The following RNF144B variants were observed in gnomAD, a reference collection of about 807,000 sequenced individuals.
RNF144B encodes ring finger protein 144B.
In RNF144B, 25 loss-of-function variants were observed where a neutral mutation model predicts 40.2. The ratio of observed to expected loss-of-function variants is 0.62; its 90% CI spans 0.45 to 0.87. RNF144B has a LOEUF of 0.87. Ranked by LOEUF, RNF144B falls within the 40% of genes least tolerant of loss-of-function variation. The pLI, the probability that RNF144B is intolerant of heterozygous loss-of-function variation, is 0.00. For synonymous variants in RNF144B, 145 were observed against 136.3 expected (o/e 1.06, Z -0.44); for missense variants, 365 against 373.7 (o/e 0.98, Z 0.19).
At chr6:18,407,596 C>G (rs931209057) in intron 2 of RNF144B, among the ~76,000 whole-genome samples, 1 of 152,130 alleles carries the variant, frequency 6.6e-6, no homozygotes, top group African/African-American at 2.4e-5. Flanking sequence ...TAAATTGAAA[C>G]CATCTTTGCT....
At chr6:18,393,773 G>A (rs1392453485) in intron 1 of RNF144B, among the ~76,000 whole-genome samples, 2 of 152,012 alleles carry the variant, frequency 1.3e-5, no homozygotes, top group African/African-American at 4.8e-5. Context: ...CAACACTTCA[G>A]CCTTTCTTCA....
rs1327550162 is a variant in RNF144B at position 18,443,754 on chromosome 6, C to T, written c.331+4010C>T. On this transcript the variant is annotated intron_variant, in intron 4 of 7. Transcript: ENST00000259939. The surrounding 1 kb of genome is among the most constrained non-coding windows in gnomAD (Gnocchi z 4.7). ...CTTTATCTAAATTATGTAAAATAGA[C>T]TTCTTATCTACCTCAAACTCGAGAC... Among the ~76,000 whole-genome samples the T allele has an allele frequency of 2.0e-5, 3 of 152,112 alleles. No individual in the cohort carries two copies. The highest frequency in any genetic ancestry group is 3.9e-4 in the East Asian group (2 of 5,190).
At position 18,400,043 on chromosome 6, in the gene RNF144B, G is replaced by A. The variant is rs1265314360; in HGVS notation, c.165+344G>A. On this transcript the variant is annotated intron_variant, in intron 2 of 7. Transcript: ENST00000259939. The surrounding 1 kb of genome is among the most constrained non-coding windows in gnomAD (Gnocchi z 5.6). ...TCCCAGCACTTTGGGAGGCCGAGGC[G>A]GGCGGATCACAAGGTCAGAAGATCG... is the stretch of plus-strand genomic sequence containing the variant. Among the ~76,000 whole-genome samples the A allele has an allele frequency of 2.6e-5, 4 of 152,056 alleles. No homozygotes were observed. Among genetic ancestry groups the A allele is most frequent in the African/African-American group, 7.2e-5 (3 of 41,396 alleles).
intron 1 of RNF144B, among the ~76,000 whole-genome samples, chr6:18,389,350 C>G (rs1273594995): frequency 6.6e-6 from 1 of 152,110 alleles, no homozygotes; most frequent in East Asian, 1.9e-4. Context: ...AGAGTATGCT[C>G]TCTCTGGAAA....
Position 18,434,167 on chromosome 6 carries a change from G to T in RNF144B, c.271-5517G>T, listed in dbSNP as rs1226943573. On this transcript the variant is annotated intron_variant, in intron 3 of 7. Transcript: ENST00000259939. This position sits in a 1 kb window ranked among gnomAD's most constrained non-coding sequence, Gnocchi z 4.1. ...CTTCTGTTTGGGCTTTCCGGACTCT[G>T]ATGGGTAGCAGTTCTCTAAAGCCTA... 1.3e-5 allele frequency among the ~76,000 whole-genome samples: 2 copies of T among 152,146 alleles called. No individual in the cohort carries two copies. The highest frequency in any genetic ancestry group is 3.9e-4 in the East Asian group (2 of 5,190).
At position 18,406,198 on chromosome 6, in the gene RNF144B, G is replaced by A; in HGVS notation, c.165+6499G>A. On this transcript the variant is annotated intron_variant, in intron 2 of 7. Coordinates refer to ENST00000259939, the MANE Select transcript of RNF144B (RefSeq NM_182757.4). This position sits in a 1 kb window ranked among gnomAD's most constrained non-coding sequence, Gnocchi z 4.2. Reference sequence around the variant, plus strand: ...TAACAAGTAAATACAGAAGTCAGGTGATGGTTTGTGCTATGGAAAAATAGG... The same window carrying A: ...TAACAAGTAAATACAGAAGTCAGGTAATGGTTTGTGCTATGGAAAAATAGG... The A allele has an allele frequency of 1.9e-6, 1 of 517,838 alleles. No homozygotes were observed. Among genetic ancestry groups the A allele is most frequent in the Non-Finnish European group, 3.9e-6 (1 of 259,248 alleles). 32.1% of individuals were successfully genotyped at this position (517,838 alleles called of 1,614,324 possible). A position where few individuals can be genotyped will look rare whatever the true frequency, so the allele number is the denominator to read the frequency against.
chr6:18,439,629 T>C, intron 3 of RNF144B, 55 bp from the exon 4 acceptor site: 1 of 1,193,404 alleles, frequency 8.4e-7, no homozygotes, highest in South Asian at 1.2e-5. Flanking sequence ...AAAAGGCTGG[T>C]AACTCAGGGC....
intron 3 of RNF144B, among the ~76,000 whole-genome samples, chr6:18,428,917 T>A (rs1758629493): frequency 6.6e-6 from 1 of 152,170 alleles, no homozygotes; most frequent in East Asian, 1.9e-4. Context: ...GTTGGCCAGG[T>A]GCTGTGGCTC....
At chr6:18,415,530 G>T (rs998442165) in intron 2 of RNF144B, among the ~76,000 whole-genome samples, 2 of 152,128 alleles carry the variant, frequency 1.3e-5, no homozygotes, top group Non-Finnish European at 2.9e-5. Context: ...TCATGAGAGT[G>T]GGGTCTTCGT....
intron 2 of RNF144B, among the ~76,000 whole-genome samples, chr6:18,413,175 G>A (rs1169260868): frequency 6.6e-6 from 1 of 152,032 alleles, no homozygotes; most frequent in East Asian, 1.9e-4. Flanking sequence ...AATATATAAT[G>A]TATGGCCTAG....
At position 18,459,316 on chromosome 6, in the gene RNF144B, A is replaced by G. The variant is rs1275418039; in HGVS notation, c.537-291A>G. Among the ~76,000 whole-genome samples the G allele has an allele frequency of 1.3e-5, 2 of 152,200 alleles. No homozygotes were observed. Among genetic ancestry groups the G allele is most frequent in the African/African-American group, 4.8e-5 (2 of 41,442 alleles). On this transcript the variant is annotated intron_variant, in intron 5 of 7. Transcript: ENST00000259939. The surrounding 1 kb of genome is among the most constrained non-coding windows in gnomAD (Gnocchi z 4.2). ...TCTGCTGTGTAGCCAACTCCTTGCC[A>G]TTCTTATTTAGGCAATGCATGCTTA...
At chr6:18,399,887 T>C (rs1283271484) in intron 2 of RNF144B, among the ~76,000 whole-genome samples, 188 bp downstream of exon 2, 2 of 152,194 alleles carry the variant, frequency 1.3e-5, no homozygotes, top group Non-Finnish European at 2.9e-5. Flanking sequence ...TTACTTGTTT[T>C]AGCTGAGTAT....
At chr6:18,394,612 A>AG (rs1270148325) in intron 1 of RNF144B, among the ~76,000 whole-genome samples, 25 of 130,766 alleles carry the variant, frequency 1.9e-4, no homozygotes, top group Admixed American at 1.3e-3. Context: ...CCCCCAACCA[A>AG]GAAAAAAAAA....
chr6:18,467,400 G>GTTTTTTTTTTTTTTT lies in RNF144B; in HGVS notation c.*2338_*2352dup, dbSNP rs66505065. The GTTTTTTTTTTTTTTT allele has an allele frequency of 2.9e-5, 3 of 102,270 alleles. No individual in the cohort carries two copies. The highest frequency in any genetic ancestry group is 7.7e-5 in the African/African-American group (2 of 25,950). 6.3% of individuals were successfully genotyped at this position (102,270 alleles called of 1,614,324 possible). A position where few individuals can be genotyped will look rare whatever the true frequency, so the allele number is the denominator to read the frequency against. On this transcript the variant is annotated 3_prime_UTR_variant, in exon 8 of 8. Coordinates refer to ENST00000259939, the MANE Select transcript of RNF144B (RefSeq NM_182757.4). Reference sequence around the variant, plus strand: ...TTGTATCACTGAATTAGCTGCTTTTGTTTTTTTTTTTTTTTTTTTGCCAGG... The same window carrying GTTTTTTTTTTTTTTT: ...TTGTATCACTGAATTAGCTGCTTTTGTTTTTTTTTTTTTTTTTTTTTTTTTTTTTTTTTTGCCAGG...
intron 2 of RNF144B, among the ~76,000 whole-genome samples, chr6:18,411,462 CATATAT>C (rs767477071): frequency 0.013 from 792 of 59,326 alleles, 49 homozygotes; most frequent in African/African-American, 0.022. Flanking sequence ...GTGCATGATT[CATATAT>C]ATATATATAT....
At position 18,425,078 on chromosome 6, in the gene RNF144B, A is replaced by G. The variant is rs899001219; in HGVS notation, c.166-2503A>G. The stretch of plus-strand genomic sequence containing the variant: ...GTGGGTGTGTGTGTGTGTGTGTTAA[A>G]ACCTGTGAGGTAACTATAACAGGTA... On this transcript the variant is annotated intron_variant, in intron 2 of 7. Transcript: ENST00000259939. This position sits in a 1 kb window ranked among gnomAD's most constrained non-coding sequence, Gnocchi z 4.2. Among the ~76,000 whole-genome samples, 2 of 149,166 alleles carry G rather than the reference A, an allele frequency of 1.3e-5. No homozygotes were observed. The highest frequency in any genetic ancestry group is 6.7e-5 in the Admixed American group (1 of 14,844).
Position 18,456,696 on chromosome 6 carries a change from C to A in RNF144B, c.332-459C>A, listed in dbSNP as rs1243970302. On this transcript the variant is annotated intron_variant, in intron 4 of 7. Coordinates refer to ENST00000259939, the MANE Select transcript of RNF144B (RefSeq NM_182757.4). This position sits in a 1 kb window ranked among gnomAD's most constrained non-coding sequence, Gnocchi z 4.7. Reference sequence around the variant, plus strand: ...GACCTTGTAAATGATAGGTTTGGATCCATTATGAAGACTAATAGTAGAAAT... The same window carrying A: ...GACCTTGTAAATGATAGGTTTGGATACATTATGAAGACTAATAGTAGAAAT... Among the ~76,000 whole-genome samples, 1 of 152,106 alleles carries A rather than the reference C, an allele frequency of 6.6e-6. No homozygotes were observed. Among genetic ancestry groups the A allele is most frequent in the Non-Finnish European group, 1.5e-5 (1 of 68,016 alleles).
chr6:18,411,740 C>T (rs529317911), intron 2 of RNF144B, among the ~76,000 whole-genome samples: 10 of 151,226 alleles, frequency 6.6e-5, no homozygotes, highest in Admixed American at 5.9e-4. Flanking sequence ...GTGATCTGTC[C>T]ACCTCAGCCT....
intron 2 of RNF144B, among the ~76,000 whole-genome samples, chr6:18,403,220 A>G (rs752160696): frequency 3.5e-4 from 54 of 152,258 alleles, no homozygotes; most frequent in Non-Finnish European, 6.6e-4. Flanking sequence ...TTCAAGCGAA[A>G]TAAATTCACA....
Sources: gnomAD v4.1 joint callset for allele counts (sites outside exome capture counted in the v4.1 genomes callset) on GRCh38, gnomAD v4.1.1 for gene constraint, Gnocchi (gnomAD v3.1) non-coding constraint, MANE v1.5 for transcripts, NCBI Gene and HGNC (gene_info 2026-07-23, HGNC 2026-07-21) for gene names.